The following NRAS variants were observed in gnomAD, a reference collection of about 807,000 sequenced individuals.
The protein encoded by NRAS is GTPase NRas.
In NRAS, 6 loss-of-function variants were observed where a neutral mutation model predicts 21.3. The observed-to-expected ratio is 0.28, with a 90% CI of 0.15 to 0.56. NRAS has a LOEUF of 0.56. NRAS is among the 20% of genes least tolerant of loss of function. NRAS has a pLI of 0.93. For synonymous variants in NRAS, 84 were observed against 82.0 expected, an observed-to-expected ratio of 1.02 and a Z score of -0.13; for missense variants, 143 against 231.3, an observed-to-expected ratio of 0.62 and a Z score of 2.48.
rs1658937771 is a variant in NRAS, at chr1:114,707,228, TCA to T, written c.*864_*865del. ...ATTAAGTGAAATTATTCATGTGCTT[TCA>T]GTTTCATCTTTCTCCTGGGAAAGCC... is the stretch of plus-strand genomic sequence containing the variant. On this transcript the variant is annotated 3_prime_UTR_variant, in exon 7 of 7. Coordinates refer to ENST00000369535, the MANE Select transcript of NRAS (RefSeq NM_002524.5). The T allele has an allele frequency of 6.6e-6, 1 of 152,592 alleles. No individual in the cohort carries two copies. The highest frequency in any genetic ancestry group is 6.5e-5 in the Admixed American group (1 of 15,276). 9.5% of individuals were successfully genotyped at this position (152,592 alleles called of 1,614,324 possible).
intron 3 of NRAS, among the ~76,000 whole-genome samples, chr1:114,713,241 G>C (rs955994975): frequency 6.6e-6 from 1 of 152,120 alleles, no homozygotes; most frequent in Non-Finnish European, 1.5e-5. Flanking sequence ...CAGCAGTGCA[G>C]TGGAGTGAGC....
At chr1:114,713,475 TTACA>T (rs1274191530) in intron 3 of NRAS, among the ~76,000 whole-genome samples, 1 of 152,180 alleles carries the variant, frequency 6.6e-6, no homozygotes, top group African/African-American at 2.4e-5. Context: ...ATCTTTTCCA[TTACA>T]TACTGAAAGA....
intron 5 of NRAS, 89 bp downstream of exon 5, chr1:114,708,442 A>T: frequency 7.9e-7 from 1 of 1,270,790 alleles, no homozygotes; most frequent in Non-Finnish European, 1.2e-6. Context: ...AAACTCAAAA[A>T]ACATATAGAC....
chr1:114,715,366 A>C (rs1057172302), intron 2 of NRAS, among the ~76,000 whole-genome samples: 1 of 152,206 alleles, frequency 6.6e-6, no homozygotes, highest in Non-Finnish European at 1.5e-5. Context: ...CTTACTGAAG[A>C]CAATCTGTAC....
chr1:114,715,285 A>G (rs986333895), intron 2 of NRAS, among the ~76,000 whole-genome samples: 3 of 152,180 alleles, frequency 2.0e-5, no homozygotes, highest in African/African-American at 7.2e-5. Context: ...TCAGCCTCCC[A>G]AAGTGCTGGG....
At chr1:114,712,740 T>C (rs1659074076) in intron 3 of NRAS, among the ~76,000 whole-genome samples, 1 of 152,234 alleles carries the variant, frequency 6.6e-6, no homozygotes, top group Admixed American at 6.5e-5. Flanking sequence ...CCAGGCACTA[T>C]TCTGAGTGAT....
At chr1:114,715,538 G>C (rs1367588579) in intron 2 of NRAS, among the ~76,000 whole-genome samples, 5 of 152,294 alleles carry the variant, frequency 3.3e-5, no homozygotes, top group African/African-American at 1.2e-4. Context: ...GAGGTTGGGA[G>C]AGATTCAGTT....
At chr1:114,714,948 G>C (rs1231228454) in intron 2 of NRAS, among the ~76,000 whole-genome samples, 1 of 152,174 alleles carries the variant, frequency 6.6e-6, no homozygotes, top group Non-Finnish European at 1.5e-5. Context: ...AGATGGTAGG[G>C]AGGCCAGGTG....
chr1:114,713,749 AG>A, intron 3 of NRAS, 50 bp downstream of exon 3: 1 of 1,472,986 alleles, frequency 6.8e-7, no homozygotes, highest in Non-Finnish European at 9.5e-7. Flanking sequence ...TTCCCCATAA[AG>A]ATTCAGAACA....
chr1:114,714,882 A>C (rs1659119863), intron 2 of NRAS, among the ~76,000 whole-genome samples: 1 of 152,242 alleles, frequency 6.6e-6, no homozygotes, highest in African/African-American at 2.4e-5. Context: ...GTTAGCAACC[A>C]ATTTTTTATA....
chr1:114,715,285 A>C (rs986333895), intron 2 of NRAS, among the ~76,000 whole-genome samples: 8 of 152,180 alleles, frequency 5.3e-5, no homozygotes, highest in Non-Finnish European at 1.2e-4. Context: ...TCAGCCTCCC[A>C]AAGTGCTGGG....
chr1:114,708,792 T>C (rs1658974230), intron 4 of NRAS, 138 bp from the exon 5 acceptor site: 4 of 756,512 alleles, frequency 5.3e-6, no homozygotes, highest in Non-Finnish European at 8.7e-6. Context: ...TAAAATAAAA[T>C]ATGGTGATTT....
At chr1:114,708,418 A>G in intron 5 of NRAS, 113 bp downstream of exon 5, 1 of 961,622 alleles carries the variant, frequency 1.0e-6, no homozygotes, top group Admixed American at 1.7e-5. Flanking sequence ...AAATGTGCAG[A>G]AGAGGATAGG....
At chr1:114,709,433 T>TC in intron 4 of NRAS, 136 bp downstream of exon 4, 1 of 724,526 alleles carries the variant, frequency 1.4e-6, no homozygotes, top group Non-Finnish European at 2.3e-6. Flanking sequence ...AGACTCTGCC[T>TC]AAAAAAAAAT....
At chr1:114,714,776 C>A (rs1286306053) in intron 2 of NRAS, among the ~76,000 whole-genome samples, 1 of 151,442 alleles carries the variant, frequency 6.6e-6, no homozygotes, top group Non-Finnish European at 1.5e-5. Flanking sequence ...GTAAATTGCT[C>A]AATAAATCAA....
chr1:114,713,619 T>G (rs1029335416), intron 3 of NRAS, among the ~76,000 whole-genome samples, 181 bp downstream of exon 3: 2 of 152,344 alleles, frequency 1.3e-5, no homozygotes, highest in Admixed American at 6.5e-5. Context: ...CAGTATATTA[T>G]GTAAAATAAA....
chr1:114,709,540 T>G (rs774061144), intron 4 of NRAS, 29 bp downstream of exon 4: 2 of 1,598,006 alleles, frequency 1.3e-6, no homozygotes, highest in South Asian at 1.1e-5. Flanking sequence ...ATGCAAACTC[T>G]TGCACAAATG....
chr1:114,712,289 C>T (rs1291770996), intron 3 of NRAS, among the ~76,000 whole-genome samples: 1 of 152,212 alleles, frequency 6.6e-6, no homozygotes, highest in Non-Finnish European at 1.5e-5. Context: ...TAGAAAGCCA[C>T]TGGAACTTCA....
At chr1:114,710,497 A>G (rs1193356989) in intron 3 of NRAS, among the ~76,000 whole-genome samples, 1 of 150,978 alleles carries the variant, frequency 6.6e-6, no homozygotes, top group East Asian at 1.9e-4. Flanking sequence ...AGCCTGGGCA[A>G]CAGGAAAAAA....
Sources: gnomAD v4.1 joint callset for allele counts (sites outside exome capture counted in the v4.1 genomes callset) on GRCh38, gnomAD v4.1.1 for gene constraint, MANE v1.5 for transcripts, NCBI Gene and HGNC (gene_info 2026-07-23, HGNC 2026-07-21) for gene names.